Variants in TNRC6B observed in about 807,000 individuals in gnomAD.
TNRC6B encodes trinucleotide repeat containing adaptor 6B.
TNRC6B carries 52 observed loss-of-function variants against 203.6 expected under a neutral mutation model. The ratio of observed to expected loss-of-function variants is 0.26; its 90% CI spans 0.20 to 0.32. TNRC6B has a LOEUF of 0.32. Ranked by LOEUF, TNRC6B falls within the 10% of genes least tolerant of loss-of-function variation. The probability of loss-of-function intolerance (pLI) is 1.00; values close to 1 mark genes in which losing one functional copy is unlikely to be tolerated. For missense variants in TNRC6B, 1,923 were observed against 2,286.2 expected (o/e 0.84, Z 3.24); for synonymous variants, 838 against 845.7 (o/e 0.99, Z 0.16).
intron 3 of TNRC6B, among the ~76,000 whole-genome samples, chr22:40,256,716 C>A (rs923242061): frequency 6.6e-6 from 1 of 152,076 alleles, no homozygotes; most frequent in African/African-American, 2.4e-5. Context: ...TACTATCTGG[C>A]CCTTTACAGA....
chr22:40,155,670 T>C (rs965934818), intron 3 of TNRC6B, among the ~76,000 whole-genome samples: 10 of 152,062 alleles, frequency 6.6e-5, no homozygotes, highest in African/African-American at 1.5e-4. Context: ...CATACCCTTG[T>C]CAACACTTGG....
rs527780194 is a variant in TNRC6B, at chr22:40,126,023, T to C, written c.45+161T>C. On this transcript the variant is annotated intron_variant, in intron 3 of 23. Transcript: ENST00000301923. ...AAATATTTTTTCTTTTCAGTATACT[T>C]TTTAATCCTATATGCTAATTTAAAA... Among the ~76,000 whole-genome samples the C allele has an allele frequency of 2.6e-3, 391 of 152,338 alleles. 2 individuals are homozygous for C. Among genetic ancestry groups the C allele is most frequent in the African/African-American group, 8.8e-3 (367 of 41,578 alleles).
intron 15 of TNRC6B, among the ~76,000 whole-genome samples, chr22:40,305,521 T>A (rs1428939527): frequency 6.6e-6 from 1 of 152,206 alleles, no homozygotes; most frequent in African/African-American, 2.4e-5. Context: ...GAGCACAGTG[T>A]CCCAGAATTC....
At chr22:40,090,797 T>A (rs1377292690) in intron 1 of TNRC6B, among the ~76,000 whole-genome samples, 2 of 152,186 alleles carry the variant, frequency 1.3e-5, no homozygotes, top group Non-Finnish European at 2.9e-5. Context: ...AATTGTGGTC[T>A]TGGAATACCA....
intron 4 of TNRC6B, among the ~76,000 whole-genome samples, chr22:40,165,860 C>A (rs1185068284): frequency 6.6e-6 from 1 of 152,152 alleles, no homozygotes; most frequent in African/African-American, 2.4e-5. Context: ...CCACTGGGTC[C>A]CTCCCACAAC....
intron 1 of TNRC6B, among the ~76,000 whole-genome samples, chr22:40,103,856 T>C (rs2068260332): frequency 6.6e-6 from 1 of 151,666 alleles, no homozygotes; most frequent in South Asian, 2.1e-4. Context: ...TTGACCAGGC[T>C]GGTCTCAAAC....
Position 40,262,223 on chromosome 22 carries a change from A to C in TNRC6B, c.457+50A>C, listed in dbSNP as rs1227721027. On this transcript the variant is annotated intron_variant, in intron 4 of 22. Transcript: ENST00000454349. ...CATGGCAGCTTGACAGAGAGAGAGC[A>C]CTTTGTTTGCATTGCTTGATGTAAA... The C allele has an allele frequency of 2.3e-6, 3 of 1,326,372 alleles. No homozygotes were observed. In the East Asian group the frequency reaches 8.0e-5, roughly 35 times the overall value. 82.2% of individuals were successfully genotyped at this position (1,326,372 alleles called of 1,614,324 possible). A position where few individuals can be genotyped will look rare whatever the true frequency, so the allele number is the denominator to read the frequency against.
intron 1 of TNRC6B, among the ~76,000 whole-genome samples, chr22:40,096,738 C>G (rs2068188742): frequency 6.6e-6 from 1 of 152,134 alleles, no homozygotes; most frequent in Non-Finnish European, 1.5e-5. Flanking sequence ...ATTTATTAGC[C>G]AGAAAGCATA....
At chr22:40,209,512 G>A (rs992889689) in intron 1 of TNRC6B, among the ~76,000 whole-genome samples, 1 of 152,074 alleles carries the variant, frequency 6.6e-6, no homozygotes, top group African/African-American at 2.4e-5. Context: ...TCTGAACCTC[G>A]GTTCAGGACA....
At chr22:40,213,313 A>G (rs1380658145) in intron 1 of TNRC6B, among the ~76,000 whole-genome samples, 2 of 152,198 alleles carry the variant, frequency 1.3e-5, no homozygotes, top group African/African-American at 2.4e-5. Flanking sequence ...GTGAGAGGCC[A>G]TCAGGGAGGC....
intron 1 of TNRC6B, among the ~76,000 whole-genome samples, chr22:40,088,584 TTGTGTGTGTG>T (rs58537972): frequency 6.6e-4 from 83 of 125,230 alleles, no homozygotes; most frequent in South Asian, 2.6e-3. Flanking sequence ...GCGGCTACTT[TTGTGTGTGTG>T]TGTGTGTGTG....
intron 11 of TNRC6B, among the ~76,000 whole-genome samples, chr22:40,282,246 C>T (rs139393834): frequency 6.6e-6 from 1 of 152,320 alleles, no homozygotes; most frequent in African/African-American, 2.4e-5. Flanking sequence ...GAAGCAATAC[C>T]TCTGACACCA....
intron 1 of TNRC6B, among the ~76,000 whole-genome samples, chr22:40,179,911 TCTAA>T (rs2069110279): frequency 6.6e-6 from 1 of 152,228 alleles, no homozygotes; most frequent in Non-Finnish European, 1.5e-5. Context: ...GCCCTCTGTC[TCTAA>T]CAAGCAAGGA....
At chr22:40,271,996 CT>C (rs2070570739) in intron 6 of TNRC6B, among the ~76,000 whole-genome samples, 1 of 148,810 alleles carries the variant, frequency 6.7e-6, no homozygotes. Context: ...AGCTTTATCT[CT>C]CTAAAAGAAA....
At chr22:40,051,322 C>T (rs1601784797) in intron 1 of TNRC6B, among the ~76,000 whole-genome samples, 1 of 152,220 alleles carries the variant, frequency 6.6e-6, no homozygotes, top group East Asian at 1.9e-4. Flanking sequence ...GCTAAGCTCA[C>T]TAAGTCCCAC....
At chr22:40,136,559 C>G (rs1231044689) in intron 3 of TNRC6B, among the ~76,000 whole-genome samples, 1 of 151,610 alleles carries the variant, frequency 6.6e-6, no homozygotes, top group Non-Finnish European at 1.5e-5. Context: ...GCCACCACAC[C>G]GAGCTAAATT....
At chr22:40,282,604 T>G (rs1021366937) in intron 11 of TNRC6B, among the ~76,000 whole-genome samples, 4 of 152,200 alleles carry the variant, frequency 2.6e-5, no homozygotes, top group Admixed American at 1.3e-4. Context: ...AGTACATAAA[T>G]TAGTATAGTA....
At position 40,335,128 on chromosome 22, in the gene TNRC6B, C is replaced by A. The variant is rs1018975789; in HGVS notation, c.*11887C>A. The A allele has an allele frequency of 4.8e-5, 7 of 145,940 alleles. No individual in the cohort carries two copies. Among genetic ancestry groups the A allele is most frequent in the African/African-American group, 1.8e-4 (7 of 39,250 alleles). The allele number at this position is 145,940 out of a possible 1,614,324, so 9.0% of individuals were successfully genotyped here. A position where few individuals can be genotyped will look rare whatever the true frequency, so the allele number is the denominator to read the frequency against. ...GGAAGTAGATAATGGGATTTAAGGA[C>A]GCCTGGGGGAGAAAAGGGAGGATGT... is the stretch of plus-strand genomic sequence containing the variant. On this transcript the variant is annotated 3_prime_UTR_variant, in exon 23 of 23. Transcript: ENST00000454349.
chr22:40,206,755 G>A (rs1449417719), intron 1 of TNRC6B, among the ~76,000 whole-genome samples: 2 of 152,132 alleles, frequency 1.3e-5, no homozygotes, highest in African/African-American at 2.4e-5. Context: ...ACCGCCACGC[G>A]TACATGGAAT....
Sources: gnomAD v4.1 joint callset for allele counts (sites outside exome capture counted in the v4.1 genomes callset) on GRCh38, gnomAD v4.1.1 for gene constraint, MANE v1.5 for transcripts, NCBI Gene and HGNC (gene_info 2026-07-23, HGNC 2026-07-21) for gene names.